The following EPB41L3 variants were observed in gnomAD, a reference collection of about 807,000 sequenced individuals.
EPB41L3 encodes erythrocyte membrane protein band 4.1 like 3.
EPB41L3 carries 57 observed loss-of-function variants against 127.1 expected under a neutral mutation model. The ratio of observed to expected loss-of-function variants is 0.45; its 90% CI spans 0.36 to 0.56. The LOEUF (loss-of-function observed/expected upper bound fraction) is 0.56, where lower values mean the gene tolerates loss of function less well. Among genes scored for constraint, EPB41L3 ranks in the 20% least tolerant of loss-of-function variants. EPB41L3 has a pLI of 0.00. For synonymous variants in EPB41L3, 572 were observed against 549.5 expected (o/e 1.04, Z -0.57); for missense variants, 1,273 against 1,372.2 (o/e 0.93, Z 1.14).
rs115824765 is a variant in EPB41L3, at chr18:5,403,172, G to A, written c.2349+3605C>T. On this transcript the variant is annotated intron_variant, in intron 16 of 22. Coordinates refer to ENST00000341928, the MANE Select transcript of EPB41L3 (RefSeq NM_012307.5). ...TGTGGACAGAGGATGTACCTGGCAC[G>A]CTGTACATACCACATGTCTACCCTT... Among the ~76,000 whole-genome samples the A allele has an allele frequency of 6.0e-3, 906 of 152,264 alleles. 5 individuals carry two copies. The highest frequency in any genetic ancestry group is 0.02 in the African/African-American group (817 of 41,550).
At chr18:5,490,305 T>C (rs1020777078) in intron 1 of EPB41L3, among the ~76,000 whole-genome samples, 3 of 152,218 alleles carry the variant, frequency 2.0e-5, no homozygotes, top group African/African-American at 7.2e-5. Context: ...ATAGTAAAAG[T>C]ATGAGCAAAG....
chr18:5,582,306 G>A (rs972747727), intron 3 of EPB41L3, among the ~76,000 whole-genome samples: 1 of 152,030 alleles, frequency 6.6e-6, no homozygotes, highest in Admixed American at 6.6e-5. Context: ...AGAAGACAAC[G>A]GAGCAGCTGG....
At chr18:5,560,689 T>C (rs2094112685) in intron 3 of EPB41L3, among the ~76,000 whole-genome samples, 1 of 152,064 alleles carries the variant, frequency 6.6e-6, no homozygotes, top group Non-Finnish European at 1.5e-5. Flanking sequence ...TTTGCACATT[T>C]ATTGAGAGGA....
chr18:5,595,694 T>G (rs2094530399), intron 3 of EPB41L3, among the ~76,000 whole-genome samples: 1 of 152,130 alleles, frequency 6.6e-6, no homozygotes, highest in South Asian at 2.1e-4. Context: ...ACATACTACA[T>G]ACTTGATTTT....
intron 9 of EPB41L3, among the ~76,000 whole-genome samples, chr18:5,427,807 A>G (rs1598804143): frequency 6.6e-6 from 1 of 151,832 alleles, no homozygotes; most frequent in Non-Finnish European, 1.5e-5. Flanking sequence ...GTGCAGTGGC[A>G]CGATCTCGGC....
chr18:5,563,223 A>T (rs985716815), intron 3 of EPB41L3, among the ~76,000 whole-genome samples: 1 of 152,172 alleles, frequency 6.6e-6, no homozygotes, highest in African/African-American at 2.4e-5. Flanking sequence ...AGAAGCAGGT[A>T]AGGCCCAAGT....
chr18:5,470,307 G>A (rs1253452840), intron 3 of EPB41L3, among the ~76,000 whole-genome samples: 1 of 152,154 alleles, frequency 6.6e-6, no homozygotes, highest in Admixed American at 6.5e-5. Context: ...CAAGCCTTTG[G>A]CTCATTTGGT....
chr18:5,416,469 G>T, intron 12 of EPB41L3, 91 bp from the exon 13 acceptor site: 1 of 1,344,332 alleles, frequency 7.4e-7, no homozygotes, highest in Non-Finnish European at 9.9e-7. Flanking sequence ...TTTTCTTATG[G>T]GTATCAATAT....
chr18:5,510,272 G>T (rs2092445052), intron 1 of EPB41L3, among the ~76,000 whole-genome samples: 1 of 152,112 alleles, frequency 6.6e-6, no homozygotes, highest in Admixed American at 6.5e-5. Context: ...TGATGAGTGA[G>T]CCAGGAAGTC....
intron 1 of EPB41L3, among the ~76,000 whole-genome samples, chr18:5,535,082 G>A (rs970909907): frequency 1.3e-5 from 2 of 152,138 alleles, no homozygotes; most frequent in African/African-American, 2.4e-5. Flanking sequence ...ATTCTTGAGT[G>A]AGAATGTGAG....
chr18:5,454,371 T>C (rs2082729893), intron 3 of EPB41L3, among the ~76,000 whole-genome samples: 1 of 152,114 alleles, frequency 6.6e-6, no homozygotes, highest in Non-Finnish European at 1.5e-5. Context: ...AGGCACCAGC[T>C]ATCCTATGTG....
In EPB41L3 at chr18:5,578,251, C is replaced by A. The variant is rs140125155; in HGVS notation, c.-306+34089G>T. On this transcript the variant is annotated intron_variant, in intron 3 of 21. Transcript: ENST00000545076. ...AACTCAGTGAACATTGTATTATCCA[C>A]ATCCCCATTTTTACAGATAAAAAAA... is the stretch of plus-strand genomic sequence containing the variant. Among the ~76,000 whole-genome samples, 665 of 152,286 alleles carry A rather than the reference C, an allele frequency of 4.4e-3. 16 individuals are homozygous for A. Among genetic ancestry groups the A allele is most frequent in the East Asian group, 6.4e-3 (33 of 5,186 alleles).
chr18:5,426,699 G>A (rs1241870380), intron 9 of EPB41L3, among the ~76,000 whole-genome samples: 2 of 152,212 alleles, frequency 1.3e-5, no homozygotes, highest in East Asian at 3.9e-4. Flanking sequence ...TTTGCATCAT[G>A]CTGTTACAAT....
At chr18:5,522,172 C>T (rs988182471) in intron 1 of EPB41L3, among the ~76,000 whole-genome samples, 3 of 152,126 alleles carry the variant, frequency 2.0e-5, no homozygotes, top group South Asian at 4.1e-4. Context: ...GATGCAATCT[C>T]GGTTCACTGC....
chr18:5,605,319 A>T (rs2094638761), intron 3 of EPB41L3, among the ~76,000 whole-genome samples: 1 of 152,152 alleles, frequency 6.6e-6, no homozygotes, highest in South Asian at 2.1e-4. Context: ...ATGACAGCCT[A>T]CCAAATTTCA....
chr18:5,541,252 C>CAAAAAAAAAAAAAAAAA lies in EPB41L3; in HGVS notation c.-12+2644_-12+2660dup, dbSNP rs370717420. 8.6e-5 allele frequency among the ~76,000 whole-genome samples: 4 copies of CAAAAAAAAAAAAAAAAA among 46,766 alleles called. 1 individual carries two copies. The highest frequency in any genetic ancestry group is 4.4e-4 in the African/African-American group (4 of 9,094). The allele number at this position is 46,766 out of a possible 152,430, so 30.7% of individuals were successfully genotyped here. ...TGGGTGACACAGAAGGACTCCATCT[C>CAAAAAAAAAAAAAAAAA]AAAAAAAAAAAAAAAAAAAAAAAAA... On this transcript the variant is annotated intron_variant, in intron 1 of 22. Transcript: ENST00000341928.
intron 3 of EPB41L3, among the ~76,000 whole-genome samples, chr18:5,593,514 G>A (rs187528479): frequency 1.6e-4 from 24 of 152,232 alleles, no homozygotes; most frequent in Admixed American, 1.3e-4. Flanking sequence ...CAAGGCAAAT[G>A]GAGGCAGGGC....
intron 3 of EPB41L3, among the ~76,000 whole-genome samples, chr18:5,474,443 C>T (rs1349546286): frequency 6.6e-6 from 1 of 152,030 alleles, no homozygotes; most frequent in Non-Finnish European, 1.5e-5. Context: ...ATGGGTCTCT[C>T]CCACTGTAGC....
intron 2 of EPB41L3, chr18:5,481,079 CTGGG>C: frequency 6.6e-6 from 1 of 152,274 alleles, no homozygotes; most frequent in African/African-American, 2.4e-5. Flanking sequence ...GTCTACTAAG[CTGGG>C]ATGGGATCTC....
Sources: allele counts gnomAD v4.1 joint callset (sites outside exome capture counted in the v4.1 genomes callset), GRCh38; gene constraint gnomAD v4.1.1; transcripts MANE v1.5; gene names NCBI Gene and HGNC (gene_info 2026-07-23, HGNC 2026-07-21).